The following FLVCR2 variants were observed in gnomAD, a reference collection of about 807,000 sequenced individuals.
FLVCR2 encodes choline/ethanolamine transporter FLVCR2.
FLVCR2 carries 38 observed loss-of-function variants against 48.9 expected under a neutral mutation model. The ratio of observed to expected loss-of-function variants is 0.78; its 90% CI spans 0.60 to 1.02. The LOEUF is 1.02. FLVCR2 is among the 50% of genes least tolerant of loss of function. The pLI, the probability that FLVCR2 is intolerant of heterozygous loss-of-function variation, is 0.00. For synonymous variants in FLVCR2, 255 were observed against 257.0 expected (o/e 0.99, Z 0.07); for missense variants, 664 against 663.3 (o/e 1.00, Z -0.01).
intron 2 of FLVCR2, among the ~76,000 whole-genome samples, chr14:75,623,264 G>A (rs1889809378): frequency 6.6e-6 from 1 of 152,182 alleles, no homozygotes; most frequent in South Asian, 2.1e-4. Flanking sequence ...TTACAGGCAT[G>A]AGCCACCACA....
At position 75,633,678 on chromosome 14, in the gene FLVCR2, G is replaced by A. The variant is rs755604627; in HGVS notation, c.1002G>A (p.Met334Ile). ...CCTTGTCCACTCTTCTGAATCGCAT[G>A]GTGATCTGGCACTACCCGGTAAGGG... is the stretch of plus-strand genomic sequence containing the variant. ...FYALSTLLNR[M>I]VIWHYPGEEV... is the part of the protein sequence containing the mutation. The change falls in exon 4 of 10, where the codon ATG (methionine) becomes ATA (isoleucine). Residue 334 changes from methionine (M) to isoleucine (I), a missense_variant. Physicochemically the swap from Met to Ile is conservative, Grantham distance 10. Transcript: ENST00000238667. 2.2e-5 allele frequency: 36 copies of A among 1,613,798 alleles called. No individual in the cohort carries two copies. Among genetic ancestry groups the A allele is most frequent in the Non-Finnish European group, 2.9e-5 (34 of 1,179,790 alleles).
At chr14:75,584,092 G>A (rs989004934) in intron 1 of FLVCR2, among the ~76,000 whole-genome samples, 4 of 152,186 alleles carry the variant, frequency 2.6e-5, no homozygotes, top group African/African-American at 4.8e-5. Context: ...GAGGAATCCC[G>A]GGCTGCGGGC....
intron 1 of FLVCR2, among the ~76,000 whole-genome samples, chr14:75,618,488 A>C (rs1250269646): frequency 6.6e-6 from 1 of 152,222 alleles, no homozygotes; most frequent in Non-Finnish European, 1.5e-5. Flanking sequence ...TTTGCCCATG[A>C]CTTTGTGTTT....
At position 75,589,518 on chromosome 14, in the gene FLVCR2, T is replaced by C. The variant is rs928864718; in HGVS notation, c.669+9877T>C. On this transcript the variant is annotated intron_variant, in intron 1 of 9. Transcript: ENST00000238667. ...TCAGTCCACCCAGCAGCTCTCACAG[T>C]TGGAGTCTCATGCCTGCAGCTCTCT... Among the ~76,000 whole-genome samples the C allele has an allele frequency of 3.3e-5, 5 of 152,148 alleles. No homozygotes were observed. In the East Asian group the frequency reaches 9.6e-4, roughly 29 times the overall value.
intron 6 of FLVCR2, among the ~76,000 whole-genome samples, chr14:75,640,481 G>A (rs1594816591): frequency 1.3e-5 from 2 of 152,008 alleles, no homozygotes; most frequent in Middle Eastern, 3.4e-3. Context: ...GCATGTGCTG[G>A]CACTCAGTCC....
chr14:75,619,553 C>G (rs1314707093), intron 1 of FLVCR2, among the ~76,000 whole-genome samples: 1 of 151,942 alleles, frequency 6.6e-6, no homozygotes, highest in Non-Finnish European at 1.5e-5. Flanking sequence ...ATACTAGGAA[C>G]TAGAAATAGA....
intron 1 of FLVCR2, among the ~76,000 whole-genome samples, chr14:75,593,826 TTTC>T (rs1182934281): frequency 2.6e-5 from 4 of 152,248 alleles, no homozygotes; most frequent in African/African-American, 9.6e-5. Flanking sequence ...TAGCAAATGA[TTTC>T]TTGGCCACGC....
At chr14:75,622,816 T>C (rs1889798467) in intron 2 of FLVCR2, among the ~76,000 whole-genome samples, 1 of 152,142 alleles carries the variant, frequency 6.6e-6, no homozygotes, top group South Asian at 2.1e-4. Context: ...CATAGTTCTT[T>C]AATGCCTTTT....
At chr14:75,593,517 A>G (rs1011563145) in intron 1 of FLVCR2, among the ~76,000 whole-genome samples, 2 of 152,164 alleles carry the variant, frequency 1.3e-5, no homozygotes, top group African/African-American at 4.8e-5. Context: ...GAACTCACCC[A>G]TTTCTGCAGG....
chr14:75,579,623 G>T lies in FLVCR2; in HGVS notation c.651G>T (p.Val217=). Residue 217 remains valine (V), a synonymous_variant, in exon 1 of 10, where the codon GTG becomes GTT. Transcript: ENST00000238667. ...GANEVSTACS[V]AVFGNQLGIA... is the part of the protein sequence containing the mutation. ...ATGAGGTTTCAACAGCCTGCTCCGT[G>T]GCTGTCTTTGGCAATCAGGTAGGTA... 6.2e-7 allele frequency: 1 copy of T among 1,614,144 alleles called. No individual in the cohort carries two copies. Among genetic ancestry groups the T allele is most frequent in the Non-Finnish European group, 8.5e-7 (1 of 1,180,034 alleles).
chr14:75,610,452 CTT>C (rs11427208), intron 1 of FLVCR2, among the ~76,000 whole-genome samples: 1 of 151,068 alleles, frequency 6.6e-6, no homozygotes, highest in Admixed American at 6.6e-5. Flanking sequence ...GTCAGTGTTC[CTT>C]TTTTTTTCTT....
At chr14:75,618,135 G>T (rs907850114) in intron 1 of FLVCR2, among the ~76,000 whole-genome samples, 1 of 152,182 alleles carries the variant, frequency 6.6e-6, no homozygotes, top group African/African-American at 2.4e-5. Flanking sequence ...TCACTGCAGG[G>T]TGTTAAGCAG....
At chr14:75,645,304 C>T (rs190323088) in intron 9 of FLVCR2, among the ~76,000 whole-genome samples, 22 of 152,286 alleles carry the variant, frequency 1.4e-4, no homozygotes, top group African/African-American at 5.3e-4. Context: ...CTGTGCATGT[C>T]CTCTAGGCCT....
In FLVCR2 at chr14:75,642,061, T is replaced by G. The variant is rs565495013; in HGVS notation, c.1509+163T>G. On this transcript the variant is annotated intron_variant, in intron 9 of 9. Coordinates refer to ENST00000238667, the MANE Select transcript of FLVCR2 (RefSeq NM_017791.3). Reference sequence around the variant, plus strand: ...CATGGCATCCTAAGACTTTCCTCAGTGGGCATCTTTGGCATTGCGTTCTTG... The same window carrying G: ...CATGGCATCCTAAGACTTTCCTCAGGGGGCATCTTTGGCATTGCGTTCTTG... The G allele has an allele frequency of 3.8e-5, 25 of 665,832 alleles. No homozygotes were observed. In the South Asian group the frequency reaches 4.5e-4, roughly 12 times the overall value. 41.2% of individuals were successfully genotyped at this position (665,832 alleles called of 1,614,324 possible). A position where few individuals can be genotyped will look rare whatever the true frequency, so the allele number is the denominator to read the frequency against.
intron 5 of FLVCR2, among the ~76,000 whole-genome samples, chr14:75,638,328 T>A (rs1221525886): frequency 1.3e-5 from 2 of 152,012 alleles, no homozygotes; most frequent in Non-Finnish European, 2.9e-5. Context: ...TCTCAGCTAC[T>A]TGGGAGGCTG....
intron 5 of FLVCR2, among the ~76,000 whole-genome samples, chr14:75,636,710 AG>A (rs1307740032): frequency 6.6e-6 from 1 of 152,194 alleles, no homozygotes; most frequent in Non-Finnish European, 1.5e-5. Context: ...GGCAACTCCC[AG>A]TGGGATGAGA....
chr14:75,623,753 A>T (rs1889820380), intron 2 of FLVCR2, among the ~76,000 whole-genome samples: 3 of 151,562 alleles, frequency 2.0e-5, no homozygotes, highest in African/African-American at 7.3e-5. Flanking sequence ...GAGGTGATTT[A>T]AAAAAAAATA....
chr14:75,597,360 C>A (rs575786183), intron 1 of FLVCR2, among the ~76,000 whole-genome samples: 7 of 152,102 alleles, frequency 4.6e-5, no homozygotes, highest in African/African-American at 1.7e-4. Context: ...AATTTCAGTT[C>A]TGCTTTCTCC....
chr14:75,632,781 G>A (rs1200559021), intron 3 of FLVCR2: 1 of 702,024 alleles, frequency 1.4e-6, no homozygotes, highest in Non-Finnish European at 2.6e-6. Context: ...TGGAGTGGCA[G>A]TACTTATTAT....
Sources: allele counts gnomAD v4.1 joint callset (sites outside exome capture counted in the v4.1 genomes callset), GRCh38; gene constraint gnomAD v4.1.1; transcripts MANE v1.5; gene names NCBI Gene and HGNC (gene_info 2026-07-23, HGNC 2026-07-21).